Variants in TMEM123 observed in about 807,000 individuals in gnomAD.
The protein encoded by TMEM123 is transmembrane protein 123, also known as porimin.
In TMEM123, 16 loss-of-function variants were observed where a neutral mutation model predicts 19.7. The observed-to-expected ratio is 0.81, with a 90% CI of 0.55 to 1.23. TMEM123 has a LOEUF of 1.23. Among genes scored for constraint, TMEM123 ranks in the 50% most tolerant of loss-of-function variants. TMEM123 has a pLI of 0.00. For synonymous variants in TMEM123, 118 were observed against 99.4 expected (o/e 1.19, Z -1.12); for missense variants, 313 against 257.8 (o/e 1.21, Z -1.47).
At chr11:102,430,876 A>G (rs1300667314) in intron 2 of TMEM123, among the ~76,000 whole-genome samples, 1 of 152,206 alleles carries the variant, frequency 6.6e-6, no homozygotes, top group Non-Finnish European at 1.5e-5. Flanking sequence ...TTCTCTTTGT[A>G]TCTTCCCCAA....
chr11:102,452,480 G>A, intron 1 of TMEM123, 44 bp downstream of exon 1: 3 of 1,393,968 alleles, frequency 2.2e-6, no homozygotes, highest in South Asian at 1.4e-5. Context: ...TCGGCAGCGC[G>A]CTGCCTCCCA....
Position 102,398,126 on chromosome 11 carries a change from A to G in TMEM123, c.*741T>C, listed in dbSNP as rs2135838695. The G allele has an allele frequency of 6.5e-6, 1 of 153,254 alleles. No individual in the cohort carries two copies. Among genetic ancestry groups the G allele is most frequent in the East Asian group, 1.9e-4 (1 of 5,220 alleles). 9.5% of individuals were successfully genotyped at this position (153,254 alleles called of 1,614,324 possible). On this transcript the variant is annotated 3_prime_UTR_variant, in exon 5 of 5. Coordinates refer to ENST00000398136, the MANE Select transcript of TMEM123 (RefSeq NM_052932.3). Reference sequence around the variant, plus strand: ...TAATACTGACAACTAAGTCTTTAAAACATTATTATGTTAAACACTGCAGTT... The same window carrying G: ...TAATACTGACAACTAAGTCTTTAAAGCATTATTATGTTAAACACTGCAGTT...
rs1951876964 is a variant in TMEM123 at position 102,398,113 on chromosome 11, C to CT, written c.*753dup. 6.6e-6 allele frequency: 1 copy of CT among 152,602 alleles called. No homozygotes were observed. The highest frequency in any genetic ancestry group is 2.4e-5 in the African/African-American group (1 of 41,436). 9.5% of individuals were successfully genotyped at this position (152,602 alleles called of 1,614,324 possible). A position where few individuals can be genotyped will look rare whatever the true frequency, so the allele number is the denominator to read the frequency against. ...TGCCAGGATTATTTAATACTGACAACTAAGTCTTTAAAACATTATTATGTT... is the reference window on the plus strand; with the variant it reads ...TGCCAGGATTATTTAATACTGACAACTTAAGTCTTTAAAACATTATTATGTT... On this transcript the variant is annotated 3_prime_UTR_variant, in exon 5 of 5. Coordinates refer to ENST00000398136, the MANE Select transcript of TMEM123 (RefSeq NM_052932.3).
intron 2 of TMEM123, among the ~76,000 whole-genome samples, chr11:102,430,408 A>G (rs1236415878): frequency 6.6e-6 from 1 of 152,210 alleles, no homozygotes; most frequent in Non-Finnish European, 1.5e-5. Flanking sequence ...AGTGAGATGA[A>G]GCATCACATT....
At position 102,398,573 on chromosome 11, in the gene TMEM123, G is replaced by T; in HGVS notation, c.*294C>A. ...GACGTCTTTCAATTACTGGTCATATGTGACCAATGCCCCCACCCCAGCCAA... is the reference window on the plus strand; with the variant it reads ...GACGTCTTTCAATTACTGGTCATATTTGACCAATGCCCCCACCCCAGCCAA... On this transcript the variant is annotated 3_prime_UTR_variant, in exon 5 of 5. Coordinates refer to ENST00000398136, the MANE Select transcript of TMEM123 (RefSeq NM_052932.3). 2.0e-6 allele frequency: 1 copy of T among 499,808 alleles called. No individual in the cohort carries two copies. Among genetic ancestry groups the T allele is most frequent in the Non-Finnish European group, 3.4e-6 (1 of 290,930 alleles). 31.0% of individuals were successfully genotyped at this position (499,808 alleles called of 1,614,324 possible).
intron 2 of TMEM123, among the ~76,000 whole-genome samples, chr11:102,425,592 T>TC: frequency 6.7e-6 from 1 of 148,886 alleles, no homozygotes; most frequent in South Asian, 2.2e-4. Context: ...TCTTTTTTTT[T>TC]TTTTTTTTGA....
chr11:102,452,489 C>A, intron 1 of TMEM123, 35 bp downstream of exon 1: 1 of 1,443,212 alleles, frequency 6.9e-7, no homozygotes, highest in South Asian at 1.3e-5. Flanking sequence ...CGCTGCCTCC[C>A]ACGAACGGGG....
chr11:102,420,392 T>C (rs545849754), intron 2 of TMEM123, among the ~76,000 whole-genome samples: 1 of 152,350 alleles, frequency 6.6e-6, no homozygotes, highest in African/African-American at 2.4e-5. Flanking sequence ...GTGTGCTCTA[T>C]AGGTATCTGT....
intron 2 of TMEM123, among the ~76,000 whole-genome samples, chr11:102,418,000 T>A (rs2135850991): frequency 6.6e-6 from 1 of 150,688 alleles, no homozygotes; most frequent in South Asian, 2.1e-4. Context: ...CAACTCAAGA[T>A]GAATTAAAAA....
At chr11:102,451,916 C>G (rs984923457) in intron 1 of TMEM123, among the ~76,000 whole-genome samples, 1 of 152,240 alleles carries the variant, frequency 6.6e-6, no homozygotes, top group Non-Finnish European at 1.5e-5. Context: ...GAGAGCGCCC[C>G]GCCATGGGGG....
At chr11:102,452,371 T>C in intron 1 of TMEM123, 153 bp downstream of exon 1, 1 of 573,634 alleles carries the variant, frequency 1.7e-6, no homozygotes, top group Non-Finnish European at 2.6e-6. Context: ...AAACCTCAGT[T>C]TCCCCCACCC....
At chr11:102,429,784 G>A (rs1019631201) in intron 2 of TMEM123, among the ~76,000 whole-genome samples, 2 of 152,176 alleles carry the variant, frequency 1.3e-5, no homozygotes, top group Non-Finnish European at 2.9e-5. Context: ...CTCCCTGAGG[G>A]ACTTCAGCAA....
chr11:102,447,867 G>C (rs1247739417), intron 2 of TMEM123, among the ~76,000 whole-genome samples: 2 of 152,174 alleles, frequency 1.3e-5, no homozygotes, highest in African/African-American at 4.8e-5. Flanking sequence ...CATAAACTAA[G>C]TGAAACACTG....
intron 2 of TMEM123, among the ~76,000 whole-genome samples, chr11:102,417,355 C>T (rs1246419477): frequency 6.6e-6 from 1 of 152,028 alleles, no homozygotes; most frequent in Non-Finnish European, 1.5e-5. Context: ...ACCAATAATG[C>T]CCAAGCTGAG....
At chr11:102,446,701 A>G (rs759206308) in intron 2 of TMEM123, among the ~76,000 whole-genome samples, 1 of 152,224 alleles carries the variant, frequency 6.6e-6, no homozygotes, top group Non-Finnish European at 1.5e-5. Flanking sequence ...AGGAACTTGG[A>G]GACCAAAACA....
intron 2 of TMEM123, among the ~76,000 whole-genome samples, chr11:102,443,496 T>TAG (rs1336343109): frequency 6.6e-6 from 1 of 152,170 alleles, no homozygotes; most frequent in Non-Finnish European, 1.5e-5. Flanking sequence ...TAGCCATATG[T>TAG]AGAAAGCTGA....
intron 2 of TMEM123, among the ~76,000 whole-genome samples, chr11:102,406,435 G>A (rs1951955756): frequency 6.6e-6 from 1 of 152,182 alleles, no homozygotes; most frequent in Admixed American, 6.5e-5. Context: ...ATGAGACACT[G>A]TGACTGAGCT....
At chr11:102,410,075 A>G (rs1009134034) in intron 2 of TMEM123, among the ~76,000 whole-genome samples, 5 of 152,250 alleles carry the variant, frequency 3.3e-5, no homozygotes, top group Non-Finnish European at 5.9e-5. Flanking sequence ...AGGGATTCCA[A>G]TAAGTTACAG....
intron 2 of TMEM123, among the ~76,000 whole-genome samples, chr11:102,408,634 T>C (rs1258770298): frequency 2.6e-5 from 4 of 152,208 alleles, no homozygotes; most frequent in Non-Finnish European, 5.9e-5. Flanking sequence ...ATTAATTCTT[T>C]ATAACCATTA....
Sources: allele counts gnomAD v4.1 joint callset (sites outside exome capture counted in the v4.1 genomes callset), GRCh38; gene constraint gnomAD v4.1.1; transcripts MANE v1.5; gene names NCBI Gene and HGNC (gene_info 2026-07-23, HGNC 2026-07-21).